PALS1: variants seen among roughly 807,000 people sequenced by gnomAD.
PALS1 encodes the protein protein associated with LIN7 1, MAGUK p55 family member, also known as protein PALS1.
Under a neutral mutation model 78.9 loss-of-function variants are expected in PALS1, and 31 were observed. That is an observed-to-expected ratio of 0.39 (90% confidence interval 0.30 to 0.53). PALS1 has a LOEUF of 0.53. Among genes scored for constraint, PALS1 ranks in the 20% least tolerant of loss-of-function variants. PALS1 has a pLI of 0.67. For synonymous variants in PALS1, 276 were observed against 270.9 expected (o/e 1.02, Z -0.18); for missense variants, 704 against 826.5 (o/e 0.85, Z 1.82).
intron 9 of PALS1, 57 bp from the exon 10 acceptor site, chr14:67,316,775 A>G: frequency 2.1e-6 from 3 of 1,448,526 alleles, no homozygotes; most frequent in Non-Finnish European, 2.8e-6. Context: ...ATTAAAAAAA[A>G]AATTCTTATC....
Position 67,321,208 on chromosome 14 carries a change from A to G in PALS1, c.1689A>G (p.Val563=). Reference sequence around the variant, plus strand: ...TGTATGGAACTAGCATAGATTCTGTACGGCAAGTGATCAACTCTGGCAAAA... The same window carrying G: ...TGTATGGAACTAGCATAGATTCTGTGCGGCAAGTGATCAACTCTGGCAAAA... ...KNLYGTSIDS[V]RQVINSGKIC... The change falls in exon 13 of 15, where the codon GTA becomes GTG. Residue 563 remains valine (V), a synonymous_variant. Transcript: ENST00000261681. 6.2e-7 allele frequency: 1 copy of G among 1,614,226 alleles called. No homozygotes were observed. The highest frequency in any genetic ancestry group is 1.7e-5 in the Admixed American group (1 of 60,024).
intron 2 of PALS1, among the ~76,000 whole-genome samples, chr14:67,277,210 G>A (rs1212273242): frequency 1.3e-5 from 2 of 152,144 alleles, no homozygotes; most frequent in Non-Finnish European, 2.9e-5. Flanking sequence ...TAATGAAAAC[G>A]AAGGCAGTCT....
rs2085193564 is a variant in PALS1 at position 67,317,424 on chromosome 14, A to C, written c.1314A>C (p.Ala438=). 1 of 1,612,306 alleles carries C rather than the reference A, an allele frequency of 6.2e-7. No individual in the cohort carries two copies. The highest frequency in any genetic ancestry group is 8.5e-7 in the Non-Finnish European group (1 of 1,178,982). ...GCTCAACAGGAAAACTGTGGTGTGC[A>C]AAGAAGAATAAAAAGAAGAGGAAAA... ...EPEKSGKLWC[A]KKNKKKRKKV... Residue 438 remains alanine, a synonymous_variant, in exon 11 of 15, where the codon GCA becomes GCC. Coordinates refer to ENST00000261681, the MANE Select transcript of PALS1 (RefSeq NM_022474.4).
intron 9 of PALS1, among the ~76,000 whole-genome samples, chr14:67,315,113 C>T (rs1245218168): frequency 9.0e-6 from 1 of 111,650 alleles, no homozygotes; most frequent in African/African-American, 5.4e-5. Flanking sequence ...TCATTTCCAT[C>T]TCTCATTAAT....
rs75361166 is a variant in PALS1 at position 67,310,784 on chromosome 14, A to C, written c.1042-1743A>C. On this transcript the variant is annotated intron_variant, in intron 8 of 14. Coordinates refer to ENST00000261681, the MANE Select transcript of PALS1 (RefSeq NM_022474.4). Reference sequence around the variant, plus strand: ...ATAAAATATTCTTTGAAATTAAAAAATATTCTTTAATGACAAGCCAAAAAT... The same window carrying C: ...ATAAAATATTCTTTGAAATTAAAAACTATTCTTTAATGACAAGCCAAAAAT... 7.6e-3 allele frequency among the ~76,000 whole-genome samples: 1,163 copies of C among 152,318 alleles called. 14 individuals are homozygous for C. Among genetic ancestry groups the C allele is most frequent in the African/African-American group, 0.025 (1,048 of 41,554 alleles).
intron 2 of PALS1, among the ~76,000 whole-genome samples, chr14:67,273,128 TTTTTATAC>T (rs2084436745): frequency 6.6e-6 from 1 of 152,032 alleles, no homozygotes; most frequent in African/African-American, 2.4e-5. Flanking sequence ...TTTTTTTTTT[TTTTTATAC>T]TTTAAGTTCT....
intron 1 of PALS1, among the ~76,000 whole-genome samples, chr14:67,264,092 G>T (rs1185116546): frequency 6.6e-6 from 1 of 152,120 alleles, no homozygotes; most frequent in East Asian, 1.9e-4. Flanking sequence ...GAACATATAA[G>T]GTTGGTGTAA....
chr14:67,304,141 G>T (rs934501420), intron 8 of PALS1: 1 of 153,320 alleles, frequency 6.5e-6, no homozygotes, highest in Admixed American at 6.5e-5. Flanking sequence ...TTATAGGTGG[G>T]TTTACTTAAC....
At chr14:67,317,933 A>C (rs1414158561) in intron 11 of PALS1, among the ~76,000 whole-genome samples, 3 of 152,204 alleles carry the variant, frequency 2.0e-5, no homozygotes, top group African/African-American at 7.2e-5. Flanking sequence ...CTTAAAATCA[A>C]AAGCTCTGAT....
chr14:67,289,648 A>T (rs2084742544), intron 3 of PALS1, among the ~76,000 whole-genome samples: 2 of 152,324 alleles, frequency 1.3e-5, no homozygotes, highest in African/African-American at 4.8e-5. Context: ...AAATCTATTT[A>T]AAAATTTAAC....
intron 3 of PALS1, among the ~76,000 whole-genome samples, chr14:67,292,029 G>A (rs376237112): frequency 6.6e-6 from 1 of 152,148 alleles, no homozygotes; most frequent in East Asian, 1.9e-4. Context: ...GCAAAAAATT[G>A]GAAGCAATCT....
At chr14:67,272,743 C>T (rs536845083) in intron 2 of PALS1, among the ~76,000 whole-genome samples, 1 of 152,342 alleles carries the variant, frequency 6.6e-6, no homozygotes, top group East Asian at 1.9e-4. Context: ...ACTACAACCT[C>T]TGCCTCCTGG....
Position 67,302,440 on chromosome 14 carries a change from G to C in PALS1, c.832G>C (p.Val278Leu). 1 of 1,597,384 alleles carries C rather than the reference G, an allele frequency of 6.3e-7. No homozygotes were observed. The highest frequency in any genetic ancestry group is 8.5e-7 in the Non-Finnish European group (1 of 1,171,482). Residue 278 changes from valine (V) to leucine (L), a missense_variant, in exon 7 of 15, where the codon GTC (valine) becomes CTC (leucine). Physicochemically the swap from Val to Leu is conservative, Grantham distance 32 (BLOSUM62 1). Transcript: ENST00000261681. ...GATVRNEMDS[V>L]IISRIVKGGA... ...TACAGTTCGTAATGAAATGGACTCT[G>C]TCATCATTAGCCGGATAGTAAAAGG...
At chr14:67,276,817 C>T (rs2084513564) in intron 2 of PALS1, among the ~76,000 whole-genome samples, 1 of 152,092 alleles carries the variant, frequency 6.6e-6, no homozygotes, top group African/African-American at 2.4e-5. Flanking sequence ...GAATTTTGAC[C>T]TGGATGACCT....
intron 13 of PALS1, among the ~76,000 whole-genome samples, chr14:67,323,261 G>GTGTGTGTGTATATATA (rs1429954753): frequency 6.4e-4 from 80 of 124,134 alleles, no homozygotes; most frequent in Non-Finnish European, 1.3e-3. Context: ...GTGTGTGTGT[G>GTGTGTGTGTATATATA]TATATATATA....
At chr14:67,241,940 A>C (rs1226212159) in intron 1 of PALS1, 1 of 152,158 alleles carries the variant, frequency 6.6e-6, no homozygotes, top group Non-Finnish European at 1.5e-5. Context: ...GCTTTCCTTT[A>C]GAAGTCAGAA....
intron 1 of PALS1, among the ~76,000 whole-genome samples, chr14:67,269,248 T>C (rs936834785): frequency 6.6e-6 from 1 of 152,236 alleles, no homozygotes; most frequent in Non-Finnish European, 1.5e-5. Flanking sequence ...TATACAACTT[T>C]TAATAAATTC....
intron 13 of PALS1, among the ~76,000 whole-genome samples, chr14:67,322,581 A>AT (rs2085278604): frequency 6.6e-6 from 1 of 152,102 alleles, no homozygotes; most frequent in Non-Finnish European, 1.5e-5. Flanking sequence ...GTAATTAGGG[A>AT]TTTTTGTTTG....
intron 9 of PALS1, among the ~76,000 whole-genome samples, chr14:67,314,827 A>G (rs1396024063): frequency 1.3e-5 from 2 of 152,216 alleles, no homozygotes; most frequent in South Asian, 4.1e-4. Flanking sequence ...CTGGTGGCTC[A>G]CACCTGTAAT....
Sources: gnomAD v4.1 joint callset for allele counts (sites outside exome capture counted in the v4.1 genomes callset) on GRCh38, gnomAD v4.1.1 for gene constraint, MANE v1.5 for transcripts, NCBI Gene and HGNC (gene_info 2026-07-23, HGNC 2026-07-21) for gene names.